The following IL1RAPL2 variants were observed in gnomAD, a reference collection of about 807,000 sequenced individuals.
IL1RAPL2 encodes the protein interleukin 1 receptor accessory protein like 2.
A neutral mutation model predicts 44.1 loss-of-function variants in IL1RAPL2; 3 were observed. The ratio of observed to expected loss-of-function variants is 0.07; its 90% CI spans 0.03 to 0.18. The LOEUF is 0.18. Ranked by LOEUF, IL1RAPL2 falls within the 10% of genes least tolerant of loss-of-function variation. The pLI, the probability that IL1RAPL2 is intolerant of heterozygous loss-of-function variation, is 1.00. For synonymous variants in IL1RAPL2, 181 were observed against 178.8 expected (o/e 1.01, Z -0.10); for missense variants, 391 against 496.4 (o/e 0.79, Z 2.02).
intron 2 of IL1RAPL2, among the ~76,000 whole-genome samples, chrX:104,671,788 A>G (rs1302020271): frequency 2.7e-5 from 3 of 112,017 alleles, no homozygotes; most frequent in Non-Finnish European, 5.6e-5. Flanking sequence ...ATTGAAAGTC[A>G]TTAAACAACC....
intron 5 of IL1RAPL2, among the ~76,000 whole-genome samples, chrX:105,443,586 G>C (rs1935402418): frequency 8.9e-6 from 1 of 111,942 alleles, no homozygotes; most frequent in African/African-American, 3.2e-5. Context: ...TCCCACAAAT[G>C]AGTGGAACAT....
intron 6 of IL1RAPL2, among the ~76,000 whole-genome samples, chrX:105,584,042 G>T (rs1216147609): frequency 8.9e-6 from 1 of 111,882 alleles, no homozygotes; most frequent in African/African-American, 3.2e-5. Flanking sequence ...TGGTCCTTTT[G>T]GTGACTATTC....
intron 2 of IL1RAPL2, among the ~76,000 whole-genome samples, chrX:105,082,298 A>T (rs2032420274): frequency 9.0e-6 from 1 of 111,388 alleles, no homozygotes; most frequent in African/African-American, 3.3e-5. Flanking sequence ...GGTAGTTTGT[A>T]TTTCTGTGGG....
chrX:105,497,773 T>G (rs2036366191), intron 6 of IL1RAPL2, among the ~76,000 whole-genome samples: 1 of 111,977 alleles, frequency 8.9e-6, no homozygotes, highest in Admixed American at 9.5e-5. Flanking sequence ...TTTCAACATA[T>G]GAAAATCAAT....
At chrX:105,376,728 T>G (rs1348955200) in intron 5 of IL1RAPL2, among the ~76,000 whole-genome samples, 1 of 111,718 alleles carries the variant, frequency 9.0e-6, no homozygotes, top group African/African-American at 3.3e-5. Context: ...GGAAAACTAG[T>G]TATTGATTAA....
intron 6 of IL1RAPL2, among the ~76,000 whole-genome samples, chrX:105,685,550 T>A (rs1453219516): frequency 2.7e-5 from 3 of 111,825 alleles, no homozygotes; most frequent in Non-Finnish European, 5.6e-5. Context: ...TATGGATCTA[T>A]GTGAAGAGAC....
At chrX:105,148,262 C>T (rs931265164) in intron 2 of IL1RAPL2, among the ~76,000 whole-genome samples, 5 of 111,265 alleles carry the variant, frequency 4.5e-5, no homozygotes, top group Admixed American at 1.9e-4. Flanking sequence ...CATGCTGTGA[C>T]ACATATTCTA....
intron 2 of IL1RAPL2, among the ~76,000 whole-genome samples, chrX:105,138,984 T>C (rs1290044072): frequency 9.0e-6 from 1 of 111,232 alleles, no homozygotes; most frequent in Admixed American, 9.6e-5. Flanking sequence ...GAGGCATCTA[T>C]AAAGAGAAAT....
At chrX:105,055,654 A>G (rs999967968) in intron 2 of IL1RAPL2, among the ~76,000 whole-genome samples, 16 of 112,258 alleles carry the variant, frequency 1.4e-4, no homozygotes, top group Non-Finnish European at 2.1e-4. Flanking sequence ...TTGAAATCTA[A>G]AAAGTGAGTA....
intron 2 of IL1RAPL2, among the ~76,000 whole-genome samples, chrX:104,701,607 A>G (rs1931274137): frequency 8.9e-6 from 1 of 112,189 alleles, no homozygotes; most frequent in Non-Finnish European, 1.9e-5. Context: ...GTTAAAAAAT[A>G]TTTAGTGATA....
intron 6 of IL1RAPL2, among the ~76,000 whole-genome samples, chrX:105,631,226 T>C (rs2037490062): frequency 9.0e-6 from 1 of 111,591 alleles, no homozygotes; most frequent in African/African-American, 3.3e-5. Context: ...AAATGACACA[T>C]TATAAGTTAG....
chrX:104,866,093 GATTA>G (rs1346009743), intron 2 of IL1RAPL2, among the ~76,000 whole-genome samples: 3 of 111,860 alleles, frequency 2.7e-5, no homozygotes, highest in African/African-American at 9.8e-5. Context: ...CTATTGAATG[GATTA>G]ATTAATTAAG....
At chrX:104,724,995 C>T (rs1446647854) in intron 2 of IL1RAPL2, among the ~76,000 whole-genome samples, 2 of 111,331 alleles carry the variant, frequency 1.8e-5, no homozygotes, top group Non-Finnish European at 3.8e-5. Flanking sequence ...ATCAACTCGT[C>T]AACTACATTA....
chrX:105,111,359 C>T (rs772103455), intron 2 of IL1RAPL2, among the ~76,000 whole-genome samples: 6 of 111,400 alleles, frequency 5.4e-5, no homozygotes, highest in Admixed American at 9.5e-5. Context: ...GGTACAGTGG[C>T]CTCTTCTCTT....
At chrX:105,307,769 A>G (rs1359419101) in intron 5 of IL1RAPL2, among the ~76,000 whole-genome samples, 1 of 98,173 alleles carries the variant, frequency 1.0e-5, no homozygotes, top group Non-Finnish European at 2.0e-5. Flanking sequence ...GTGAGTTACA[A>G]TCCTTTATAA....
intron 5 of IL1RAPL2, among the ~76,000 whole-genome samples, chrX:105,329,699 A>G (rs939855140): frequency 1.8e-5 from 2 of 111,330 alleles, no homozygotes; most frequent in Non-Finnish European, 3.8e-5. Flanking sequence ...TGTACTGCAT[A>G]TACGGCTTTT....
intron 2 of IL1RAPL2, among the ~76,000 whole-genome samples, chrX:104,820,789 C>T (rs775149909): frequency 5.7e-4 from 64 of 112,174 alleles, no homozygotes; most frequent in African/African-American, 1.9e-3. Flanking sequence ...ATTCTCCTTA[C>T]TCATTTTTGT....
At position 105,438,610 on chromosome X, in the gene IL1RAPL2, C is replaced by T. The variant is rs752821327; in HGVS notation, c.698-45703C>T. Among the ~76,000 whole-genome samples the T allele has an allele frequency of 1.2e-4, 13 of 110,536 alleles. No homozygotes were observed. The South Asian group carries it at 4.2e-3, about 36-fold the overall frequency. On this transcript the variant is annotated intron_variant, in intron 5 of 10. Transcript: ENST00000372582. ...ACTAAGCTGACATCATTGTGGCTTT[C>T]GCTTCTGTTAGATGGGCTCGTCTGT... is the stretch of plus-strand genomic sequence containing the variant.
intron 2 of IL1RAPL2, among the ~76,000 whole-genome samples, chrX:105,098,384 T>A (rs996628825): frequency 8.9e-6 from 1 of 111,893 alleles, no homozygotes; most frequent in Non-Finnish European, 1.9e-5. Context: ...CTACTACTGG[T>A]CATAACCTAC....
Sources: allele counts gnomAD v4.1 joint callset (sites outside exome capture counted in the v4.1 genomes callset), GRCh38; gene constraint gnomAD v4.1.1; transcripts MANE v1.5; gene names NCBI Gene and HGNC (gene_info 2026-07-23, HGNC 2026-07-21).